The following ST6GALNAC2 variants were observed in gnomAD, a reference collection of about 807,000 sequenced individuals.
ST6GALNAC2 encodes ST6 N-acetylgalactosaminide alpha-2,6-sialyltransferase 2.
A neutral mutation model predicts 38.7 loss-of-function variants in ST6GALNAC2; 42 were observed. That is an observed-to-expected ratio of 1.09 (90% CI 0.85 to 1.40). The LOEUF is 1.40. Ranked by LOEUF, ST6GALNAC2 falls within the 40% of genes most tolerant of loss-of-function variation. The pLI is 0.00. For missense variants in ST6GALNAC2, 506 were observed against 481.7 expected, an observed-to-expected ratio of 1.05 and a Z score of -0.47; for synonymous variants, 233 against 209.0, an observed-to-expected ratio of 1.11 and a Z score of -0.99.
chr17:76,568,651 T>C, intron 7 of ST6GALNAC2, 62 bp downstream of exon 7: 1 of 1,530,842 alleles, frequency 6.5e-7, no homozygotes. Context: ...TGACTGGATG[T>C]GGGTGGGTGT....
intron 5 of ST6GALNAC2, chr17:76,570,872 T>C (rs2075346011): frequency 1.8e-6 from 1 of 558,114 alleles, no homozygotes. Flanking sequence ...GGCACCCAAT[T>C]GCCATCCCCT....
At chr17:76,574,758 G>A (rs1598254479) in intron 2 of ST6GALNAC2, among the ~76,000 whole-genome samples, 2 of 151,924 alleles carry the variant, frequency 1.3e-5, no homozygotes, top group Non-Finnish European at 1.5e-5. Context: ...CTCACTGCAA[G>A]CTCCGTCTCC....
rs968741833 is a variant in ST6GALNAC2 at position 76,565,857 on chromosome 17, C to G, written c.*247G>C. 2 of 438,780 alleles carry G rather than the reference C, an allele frequency of 4.6e-6. No homozygotes were observed. The highest frequency in any genetic ancestry group is 4.0e-5 in the African/African-American group (2 of 49,742). 27.2% of individuals were successfully genotyped at this position (438,780 alleles called of 1,614,324 possible). Reference sequence around the variant, plus strand: ...CTAAAGTTGCTCAGTGCCAATCCAGCAAAGCAGTCCATTTTCCCTTGGCCA... The same window carrying G: ...CTAAAGTTGCTCAGTGCCAATCCAGGAAAGCAGTCCATTTTCCCTTGGCCA... On this transcript the variant is annotated 3_prime_UTR_variant, in exon 9 of 9. Coordinates refer to ENST00000225276, the MANE Select transcript of ST6GALNAC2 (RefSeq NM_006456.3).
At chr17:76,583,738 G>T (rs1034596949) in intron 1 of ST6GALNAC2, among the ~76,000 whole-genome samples, 5 of 151,494 alleles carry the variant, frequency 3.3e-5, no homozygotes, top group Admixed American at 1.3e-4. Flanking sequence ...GCTAGATCAG[G>T]TCTCTTCCTT....
chr17:76,570,909 A>G (rs865942410), intron 5 of ST6GALNAC2: 43 of 464,244 alleles, frequency 9.3e-5, no homozygotes, highest in African/African-American at 8.0e-4. Flanking sequence ...TTAGCGACTC[A>G]TGCACAGGAT....
At chr17:76,582,458 C>T (rs1270361541) in intron 1 of ST6GALNAC2, among the ~76,000 whole-genome samples, 1 of 151,500 alleles carries the variant, frequency 6.6e-6, no homozygotes, top group Admixed American at 6.6e-5. Context: ...CACGAGCCAC[C>T]ATGCCCGGCC....
chr17:76,568,644 C>A (rs1016070644), intron 7 of ST6GALNAC2, 69 bp downstream of exon 7: 3 of 1,508,858 alleles, frequency 2.0e-6, no homozygotes, highest in Middle Eastern at 3.5e-4. Context: ...AGGGCGCTGA[C>A]TGGATGTGGG....
At chr17:76,567,693 C>A in intron 7 of ST6GALNAC2, 141 bp from the exon 8 acceptor site, 5 of 553,530 alleles carry the variant, frequency 9.0e-6, no homozygotes, top group Non-Finnish European at 1.3e-5. Context: ...TCCAAGTGGA[C>A]TAAATACAAA....
chr17:76,568,967 G>C, intron 6 of ST6GALNAC2, 171 bp from the exon 7 acceptor site: 2 of 618,612 alleles, frequency 3.2e-6, no homozygotes, highest in South Asian at 3.8e-5. Context: ...AGTACGTTGG[G>C]GACCACGTGC....
intron 5 of ST6GALNAC2, 62 bp from the exon 6 acceptor site, chr17:76,570,730 G>T: frequency 7.6e-7 from 1 of 1,319,226 alleles, no homozygotes. Flanking sequence ...CCTCAGTGTG[G>T]ACAGCCCTCC....
In ST6GALNAC2 at chr17:76,565,868, A is replaced by G. The variant is rs2241919; in HGVS notation, c.*236T>C. 0.13 allele frequency: 61,987 copies of G among 460,062 alleles called. 4,751 individuals are homozygous for G. The highest frequency in any genetic ancestry group is 0.17 in the Middle Eastern group (300 of 1,744). 28.5% of individuals were successfully genotyped at this position (460,062 alleles called of 1,614,324 possible). A position where few individuals can be genotyped will look rare whatever the true frequency, so the allele number is the denominator to read the frequency against. On this transcript the variant is annotated 3_prime_UTR_variant, in exon 9 of 9. Coordinates refer to ENST00000225276, the MANE Select transcript of ST6GALNAC2 (RefSeq NM_006456.3). ...CAGTGCCAATCCAGCAAAGCAGTCC[A>G]TTTTCCCTTGGCCAAGATTGAGATG...
At chr17:76,577,914 T>C (rs1314703903) in intron 2 of ST6GALNAC2, among the ~76,000 whole-genome samples, 1 of 152,154 alleles carries the variant, frequency 6.6e-6, no homozygotes, top group African/African-American at 2.4e-5. Context: ...CTGCCCGGGC[T>C]ACTTGCTGTG....
At chr17:76,568,979 G>GAT in intron 6 of ST6GALNAC2, 183 bp from the exon 7 acceptor site, 1 of 587,998 alleles carries the variant, frequency 1.7e-6, no homozygotes, top group South Asian at 2.0e-5. Context: ...ACCACGTGCG[G>GAT]CTTCCCGCTC....
Position 76,574,383 on chromosome 17 carries a change from G to A in ST6GALNAC2, c.343C>T (p.Arg115Trp). Residue 115 changes from arginine (R) to tryptophan (W), a missense_variant, in exon 3 of 9, where the codon CGG becomes TGG. Transcript: ENST00000225276. Reference protein sequence around the residue: ...LSQHKAPYGWRGLSHQVIAST... With the variant: ...LSQHKAPYGWWGLSHQVIAST... ...GGGTTACCTTGGTGAGAGAGCCCCC[G>A]CCAGCCATACGGGGCTTTGTGTTGG... 1.2e-5 allele frequency: 19 copies of A among 1,612,722 alleles called. No individual in the cohort carries two copies. The highest frequency in any genetic ancestry group is 1.6e-5 in the Non-Finnish European group (19 of 1,179,352).
At chr17:76,583,384 A>AAAAAAAAAAAG (rs1469333600) in intron 1 of ST6GALNAC2, among the ~76,000 whole-genome samples, 1 of 151,306 alleles carries the variant, frequency 6.6e-6, no homozygotes, top group Non-Finnish European at 1.5e-5. Context: ...CCAAAAAAAA[A>AAAAAAAAAAAG]AAGAAGATAA....
chr17:76,569,748 G>A (rs992367597), intron 6 of ST6GALNAC2: 3 of 215,314 alleles, frequency 1.4e-5, no homozygotes, highest in Non-Finnish European at 2.7e-5. Context: ...AGCAGTGGAA[G>A]CAATTGTTGG....
chr17:76,571,752 G>A (rs2075356637), intron 5 of ST6GALNAC2, among the ~76,000 whole-genome samples: 2 of 152,140 alleles, frequency 1.3e-5, no homozygotes, highest in Admixed American at 1.3e-4. Context: ...AGCTTCCTCC[G>A]GCACTGCAGA....
chr17:76,581,970 C>A (rs2075481214), intron 1 of ST6GALNAC2, among the ~76,000 whole-genome samples: 1 of 151,862 alleles, frequency 6.6e-6, no homozygotes, highest in African/African-American at 2.4e-5. Context: ...TGGGTTCAAG[C>A]GATTCTCCTG....
chr17:76,574,559 G>C lies in ST6GALNAC2; in HGVS notation c.187-20C>G, dbSNP rs759183062. 1.8e-5 allele frequency: 29 copies of C among 1,602,808 alleles called. No individual in the cohort carries two copies. Among genetic ancestry groups the C allele is most frequent in the Non-Finnish European group, 2.3e-5 (27 of 1,174,238 alleles). On this transcript the variant is annotated intron_variant, in intron 2 of 8. Transcript: ENST00000225276. ...CTGGCCCTGTGGGTGAGAAGGTGAG[G>C]GCTGAGCCCCGTTAGGTAGGGGCTG...
Sources: allele counts gnomAD v4.1 joint callset (sites outside exome capture counted in the v4.1 genomes callset), GRCh38; gene constraint gnomAD v4.1.1; transcripts MANE v1.5; gene names NCBI Gene and HGNC (gene_info 2026-07-23, HGNC 2026-07-21).